RBFOX1: variants seen among roughly 807,000 people sequenced by gnomAD.
RBFOX1 encodes the protein RNA binding protein fox-1 homolog 1.
Under a neutral mutation model 57.7 loss-of-function variants are expected in RBFOX1, and 8 were observed. The ratio of observed to expected loss-of-function variants is 0.14; its 90% CI spans 0.08 to 0.25. The LOEUF is 0.25. RBFOX1 is among the 10% of genes least tolerant of loss of function. The probability of loss-of-function intolerance (pLI) is 1.00; values close to 1 mark genes in which losing one functional copy is unlikely to be tolerated. For missense variants in RBFOX1, 611 were observed against 548.5 expected (o/e 1.11, Z -1.14); for synonymous variants, 326 against 222.4 (o/e 1.47, Z -4.15).
intron 2 of RBFOX1, among the ~76,000 whole-genome samples, chr16:6,621,173 C>G (rs531914699): frequency 2.0e-5 from 3 of 152,290 alleles, no homozygotes; most frequent in South Asian, 2.1e-4. Context: ...TATAAAAACA[C>G]TAGTCAGGCC....
At chr16:5,343,614 C>T (rs578135781) in intron 1 of RBFOX1, among the ~76,000 whole-genome samples, 2 of 152,138 alleles carry the variant, frequency 1.3e-5, no homozygotes, top group Non-Finnish European at 2.9e-5. Context: ...AGCCACTGCG[C>T]CCGGCCACTT....
intron 3 of RBFOX1, among the ~76,000 whole-genome samples, chr16:6,784,230 C>T (rs1406097752): frequency 1.3e-5 from 2 of 152,062 alleles, no homozygotes; most frequent in African/African-American, 4.8e-5. Context: ...TCTACTTCTT[C>T]TTCAAGGCCA....
intron 3 of RBFOX1, among the ~76,000 whole-genome samples, chr16:6,749,615 C>T (rs1037091819): frequency 6.6e-6 from 1 of 152,148 alleles, no homozygotes. Flanking sequence ...TTATTGACCT[C>T]ATATACATTC....
At chr16:7,363,254 G>A (rs1034158832) in intron 4 of RBFOX1, among the ~76,000 whole-genome samples, 1 of 152,064 alleles carries the variant, frequency 6.6e-6, no homozygotes, top group Non-Finnish European at 1.5e-5. Flanking sequence ...GTTACTGGGC[G>A]GGGGGAAAAC....
At chr16:6,137,617 T>C (rs191539895) in intron 1 of RBFOX1, among the ~76,000 whole-genome samples, 3 of 144,868 alleles carry the variant, frequency 2.1e-5, no homozygotes, top group Admixed American at 2.1e-4. Context: ...TTTTTTTTTT[T>C]TTTTTTTTTT....
At position 6,289,517 on chromosome 16, in the gene RBFOX1, T is replaced by C. The variant is rs1390553354; in HGVS notation, c.-126-27478T>C. ...ATCATTCTTGAGTCGGCTAATGCTA[T>C]GTTACAGAACCATAGCTATTCATTG... On this transcript the variant is annotated intron_variant, in intron 1 of 15. Transcript: ENST00000550418. Among the ~76,000 whole-genome samples, 3 of 152,164 alleles carry C rather than the reference T, an allele frequency of 2.0e-5. No individual in the cohort carries two copies. The East Asian group carries it at 5.8e-4, about 29-fold the overall frequency.
At chr16:6,800,336 G>C in intron 3 of RBFOX1, among the ~76,000 whole-genome samples, 1 of 152,114 alleles carries the variant, frequency 6.6e-6, no homozygotes, top group East Asian at 1.9e-4. Flanking sequence ...CAAAAGTCAG[G>C]GCTACCTATT....
chr16:5,367,496 G>A lies in RBFOX1; in HGVS notation c.220-99720G>A, dbSNP rs72633285. ...GGTTCTCACTGCATGTGCCATATGG[G>A]CAACAGGGAAGGAGGAGCCCAGAGT... On this transcript the variant is annotated intron_variant, in intron 1 of 2. Coordinates refer to the RBFOX1 transcript ENST00000585867. 1.1e-3 allele frequency among the ~76,000 whole-genome samples: 167 copies of A among 152,316 alleles called. 2 individuals are homozygous for A. The East Asian group carries it at 0.028, about 26-fold the overall frequency.
chr16:6,992,739 G>A (rs1396788556), intron 3 of RBFOX1, among the ~76,000 whole-genome samples: 2 of 151,050 alleles, frequency 1.3e-5, no homozygotes, highest in Admixed American at 1.3e-4. Flanking sequence ...GAGTCCAAGA[G>A]GTCACATGAT....
intron 4 of RBFOX1, among the ~76,000 whole-genome samples, chr16:7,360,781 T>A (rs2097305480): frequency 1.3e-5 from 2 of 152,184 alleles, no homozygotes; most frequent in African/African-American, 4.8e-5. Context: ...CCAAGTCTTC[T>A]TTTCACTTTG....
rs1445091987 is a variant in RBFOX1, at chr16:6,731,732, G to C, written c.-16+77082G>C. 2.6e-5 allele frequency among the ~76,000 whole-genome samples: 4 copies of C among 152,100 alleles called. No individual in the cohort carries two copies. In the East Asian group the frequency reaches 7.8e-4, roughly 30 times the overall value. On this transcript the variant is annotated intron_variant, in intron 3 of 15. Coordinates refer to ENST00000550418, the MANE Select transcript of RBFOX1 (RefSeq NM_018723.4). The stretch of plus-strand genomic sequence containing the variant: ...GGCTCATTGTATATCTGGCTTCTTA[G>C]TCCATCCTTTATTACAGGATGCTTT...
intron 1 of RBFOX1, among the ~76,000 whole-genome samples, chr16:6,105,830 T>G (rs1333181973): frequency 1.3e-5 from 2 of 152,188 alleles, no homozygotes; most frequent in Non-Finnish European, 2.9e-5. Context: ...AAGCTGTATA[T>G]GTTCCATACC....
chr16:7,230,796 C>T (rs973610471), intron 4 of RBFOX1, among the ~76,000 whole-genome samples: 1 of 152,172 alleles, frequency 6.6e-6, no homozygotes, highest in Non-Finnish European at 1.5e-5. Flanking sequence ...AAACTTTCCC[C>T]ATTCTTTTTT....
intron 11 of RBFOX1, among the ~76,000 whole-genome samples, chr16:7,634,098 TG>T (rs1457200906): frequency 1.3e-5 from 2 of 152,242 alleles, no homozygotes; most frequent in Non-Finnish European, 2.9e-5. Context: ...ATTTTATCTT[TG>T]CTCTCTGATG....
chr16:5,583,805 C>G (rs2046749620), intron 2 of RBFOX1, among the ~76,000 whole-genome samples: 1 of 152,200 alleles, frequency 6.6e-6, no homozygotes, highest in South Asian at 2.1e-4. Context: ...ATGGAGTGAG[C>G]TGCTCAAGGT....
intron 4 of RBFOX1, among the ~76,000 whole-genome samples, chr16:7,417,528 T>TTGTGTG (rs545621108): frequency 0.012 from 805 of 68,438 alleles, 4 homozygotes; most frequent in African/African-American, 0.034. Flanking sequence ...TCACATGGTA[T>TTGTGTG]TGTGTGTGTG....
Position 5,891,774 on chromosome 16 carries a change from G to A in RBFOX1, c.351+24439G>A, listed in dbSNP as rs887448278. On this transcript the variant is annotated intron_variant, in intron 4 of 19. Coordinates refer to the RBFOX1 transcript ENST00000641259. Reference sequence around the variant, plus strand: ...GTTCCTGGGGCAGAGCTGGGGTAGAGCACAGGGCTCGGACATCTGATAGCC... The same window carrying A: ...GTTCCTGGGGCAGAGCTGGGGTAGAACACAGGGCTCGGACATCTGATAGCC... Among the ~76,000 whole-genome samples, 4 of 152,216 alleles carry A rather than the reference G, an allele frequency of 2.6e-5. No individual in the cohort carries two copies. In the South Asian group the frequency reaches 8.3e-4, roughly 31 times the overall value.
chr16:7,031,569 C>A (rs932858151), intron 3 of RBFOX1, among the ~76,000 whole-genome samples: 1 of 151,464 alleles, frequency 6.6e-6, no homozygotes, highest in Non-Finnish European at 1.5e-5. Flanking sequence ...CCACTGCACT[C>A]CAGCCGAGGC....
At chr16:6,352,761 A>C (rs1173501997) in intron 2 of RBFOX1, among the ~76,000 whole-genome samples, 1 of 152,182 alleles carries the variant, frequency 6.6e-6, no homozygotes, top group Non-Finnish European at 1.5e-5. Flanking sequence ...TAACTCACGA[A>C]GCTGCAAGTT....
Sources: allele counts gnomAD v4.1 joint callset (sites outside exome capture counted in the v4.1 genomes callset), GRCh38; gene constraint gnomAD v4.1.1; transcripts MANE v1.5; gene names NCBI Gene and HGNC (gene_info 2026-07-23, HGNC 2026-07-21).